Variants in PAPSS2 observed in about 807,000 individuals in gnomAD.
PAPSS2 encodes 3'-phosphoadenosine 5'-phosphosulfate synthase 2.
PAPSS2 carries 61 observed loss-of-function variants against 66.5 expected under a neutral mutation model. That is an observed-to-expected ratio of 0.92 (90% CI 0.75 to 1.14). The LOEUF is 1.14. PAPSS2 is among the 50% of genes most tolerant of loss of function. The pLI is 0.00. For synonymous variants in PAPSS2, 289 were observed against 287.5 expected (o/e 1.01, Z -0.05); for missense variants, 708 against 789.6 (o/e 0.90, Z 1.24).
chr10:87,723,899 A>G (rs1161632550), intron 8 of PAPSS2, among the ~76,000 whole-genome samples: 1 of 152,220 alleles, frequency 6.6e-6, no homozygotes, highest in Non-Finnish European at 1.5e-5. Flanking sequence ...ACATTCCCTC[A>G]GGTCCATAAA....
chr10:87,686,037 G>A (rs1853083886), intron 1 of PAPSS2, among the ~76,000 whole-genome samples: 2 of 151,972 alleles, frequency 1.3e-5, no homozygotes, highest in African/African-American at 4.8e-5. Flanking sequence ...CTCCTTTTCT[G>A]AGTTCAGATG....
Position 87,721,750 on chromosome 10 carries a change from C to T in PAPSS2, c.866-6C>T. The T allele has an allele frequency of 6.5e-7, 1 of 1,529,460 alleles. No individual in the cohort carries two copies. Among genetic ancestry groups the T allele is most frequent in the Non-Finnish European group, 8.9e-7 (1 of 1,127,926 alleles). The allele number at this position is 1,529,460 out of a possible 1,614,324, so 94.7% of individuals were successfully genotyped here. ...ATGTTTCTTAATTGTGTTTATATTT[C>T]CCTAGGCATGGCCCTTCCTGGTATG... On this transcript the variant is annotated splice_polypyrimidine_tract_variant and splice_region_variant and intron_variant, in intron 7 of 12. Transcript: ENST00000456849.
chr10:87,673,074 G>A (rs893063646), intron 1 of PAPSS2, among the ~76,000 whole-genome samples: 78 of 152,180 alleles, frequency 5.1e-4, no homozygotes, highest in African/African-American at 1.9e-3. Flanking sequence ...TATATAGTGG[G>A]GGCCAGTGTT....
At chr10:87,663,070 G>C (rs1234172978) in intron 1 of PAPSS2, among the ~76,000 whole-genome samples, 2 of 134,058 alleles carry the variant, frequency 1.5e-5, no homozygotes, top group African/African-American at 5.7e-5. Context: ...TTTCAGAATT[G>C]TGCACAGTAT....
chr10:87,704,128 G>A, intron 1 of PAPSS2: 1 of 427,794 alleles, frequency 2.3e-6, no homozygotes, highest in Non-Finnish European at 4.6e-6. Context: ...AAAACCTCAA[G>A]GGTGATTTTG....
At chr10:87,734,995 G>A (rs1428257060) in intron 9 of PAPSS2, among the ~76,000 whole-genome samples, 1 of 151,846 alleles carries the variant, frequency 6.6e-6, no homozygotes, top group African/African-American at 2.4e-5. Context: ...TACGCTAGTG[G>A]TTGAGCTTAT....
intron 1 of PAPSS2, among the ~76,000 whole-genome samples, chr10:87,701,386 T>TTC (rs1853312001): frequency 3.6e-3 from 234 of 64,874 alleles, no homozygotes; most frequent in African/African-American, 7.6e-3. Flanking sequence ...CTTTCTTTCT[T>TTC]TCTTTCTTTC....
intron 8 of PAPSS2, among the ~76,000 whole-genome samples, chr10:87,722,783 G>A (rs1298642952): frequency 6.6e-6 from 1 of 152,214 alleles, no homozygotes; most frequent in African/African-American, 2.4e-5. Context: ...TGATAAAGAT[G>A]ATAGGGAAAC....
At position 87,713,312 on chromosome 10, in the gene PAPSS2, T is replaced by TTAAAA. The variant is rs1554865462; in HGVS notation, c.381+2_381+3insTAAAA. The TTAAAA allele has an allele frequency of 8.7e-6, 5 of 575,166 alleles. No homozygotes were observed. Among genetic ancestry groups the TTAAAA allele is most frequent in the East Asian group, 5.3e-5 (1 of 18,778 alleles). The allele number at this position is 575,166 out of a possible 1,614,324, so 35.6% of individuals were successfully genotyped here. On this transcript the variant is annotated splice_region_variant and intron_variant, in intron 3 of 12. Coordinates refer to ENST00000456849, the MANE Select transcript of PAPSS2 (RefSeq NM_001015880.2). ...AGCTTTATTTCTCCATTCGCAAAGG[T>TTAAAA]AAAAAAAAAAAAAAAAAAAAAAGGC...
At chr10:87,737,883 G>A (rs1425283357) in intron 9 of PAPSS2, among the ~76,000 whole-genome samples, 3 of 152,042 alleles carry the variant, frequency 2.0e-5, no homozygotes, top group South Asian at 2.1e-4. Flanking sequence ...CCTCCAGCCC[G>A]TGGTAACTAC....
At chr10:87,707,033 T>C (rs566117098) in intron 1 of PAPSS2, among the ~76,000 whole-genome samples, 1 of 152,318 alleles carries the variant, frequency 6.6e-6, no homozygotes, top group East Asian at 1.9e-4. Flanking sequence ...GATCCCACTG[T>C]GCCTTTAACC....
intron 1 of PAPSS2, among the ~76,000 whole-genome samples, chr10:87,666,818 G>A (rs1182852035): frequency 6.6e-6 from 1 of 152,072 alleles, no homozygotes; most frequent in Non-Finnish European, 1.5e-5. Context: ...GTAGGAACTA[G>A]GTTCCTACTT....
chr10:87,709,081 G>A (rs909737771), intron 1 of PAPSS2, 115 bp from the exon 2 acceptor site: 17 of 681,448 alleles, frequency 2.5e-5, no homozygotes, highest in African/African-American at 7.2e-5. Context: ...TTTTATATAA[G>A]TTGTTACATG....
intron 2 of PAPSS2, among the ~76,000 whole-genome samples, chr10:87,710,118 A>G (rs960533797): frequency 2.0e-5 from 3 of 152,230 alleles, no homozygotes; most frequent in African/African-American, 7.2e-5. Flanking sequence ...CTGCAAAACT[A>G]TGTTTATTCA....
intron 1 of PAPSS2, chr10:87,704,183 T>C (rs934938321): frequency 1.6e-5 from 6 of 366,914 alleles, no homozygotes; most frequent in African/African-American, 1.1e-4. Context: ...AAGAGCCCAG[T>C]ACCTGGCCAT....
intron 8 of PAPSS2, among the ~76,000 whole-genome samples, chr10:87,726,449 A>G (rs1260252039): frequency 6.6e-6 from 1 of 152,216 alleles, no homozygotes; most frequent in Non-Finnish European, 1.5e-5. Flanking sequence ...AAAATAAAAT[A>G]AATTAACAGT....
chr10:87,709,245 G>A lies in PAPSS2; in HGVS notation c.77G>A (p.Ser26Asn). 1 of 1,613,620 alleles carries A rather than the reference G, an allele frequency of 6.2e-7. No individual in the cohort carries two copies. Among genetic ancestry groups the A allele is most frequent in the Non-Finnish European group, 8.5e-7 (1 of 1,179,654 alleles). ...TNVVYQAHHV[S>N]RNKRGQVVGT... ...GTAGTCTATCAGGCCCACCATGTGA[G>A]CAGGAATAAGAGAGGGCAAGTGGTT... The change falls in exon 2 of 13, where the codon AGC (serine) becomes AAC (asparagine). Residue 26 changes from serine (S) to asparagine (N), a missense_variant. Physicochemically the swap from Ser to Asn is conservative, Grantham distance 46. Coordinates refer to ENST00000456849, the MANE Select transcript of PAPSS2 (RefSeq NM_001015880.2).
At chr10:87,696,734 G>T (rs1853239777) in intron 1 of PAPSS2, among the ~76,000 whole-genome samples, 1 of 152,176 alleles carries the variant, frequency 6.6e-6, no homozygotes, top group Non-Finnish European at 1.5e-5. Flanking sequence ...GAAGGATAAA[G>T]AATCCAGCAA....
At chr10:87,676,242 A>G (rs1284344694) in intron 1 of PAPSS2, among the ~76,000 whole-genome samples, 2 of 152,088 alleles carry the variant, frequency 1.3e-5, no homozygotes, top group Non-Finnish European at 1.5e-5. Flanking sequence ...CCATATCACA[A>G]TTAAGGAAGT....
Sources: gnomAD v4.1 joint callset for allele counts (sites outside exome capture counted in the v4.1 genomes callset) on GRCh38, gnomAD v4.1.1 for gene constraint, MANE v1.5 for transcripts, NCBI Gene and HGNC (gene_info 2026-07-23, HGNC 2026-07-21) for gene names.